The following PGLYRP3 variants were observed in gnomAD, a reference collection of about 807,000 sequenced individuals.
PGLYRP3 encodes peptidoglycan recognition protein I alpha.
In PGLYRP3, 39 loss-of-function variants were observed where a neutral mutation model predicts 36.0. The observed-to-expected ratio is 1.08, with a 90% confidence interval of 0.84 to 1.41. The LOEUF (loss-of-function observed/expected upper bound fraction) is 1.41, where lower values mean the gene tolerates loss of function less well. Ranked by LOEUF, PGLYRP3 falls within the 40% of genes most tolerant of loss-of-function variation. The pLI, the probability that PGLYRP3 is intolerant of heterozygous loss-of-function variation, is 0.00. For missense variants in PGLYRP3, 407 were observed against 427.9 expected, an observed-to-expected ratio of 0.95 and a Z score of 0.43; for synonymous variants, 204 against 172.8, an observed-to-expected ratio of 1.18 and a Z score of -1.42.
intron 2 of PGLYRP3, 38 bp downstream of exon 2, chr1:153,310,573 C>A: frequency 1.2e-6 from 2 of 1,603,754 alleles, no homozygotes; most frequent in South Asian, 2.2e-5. Context: ...TTCTCTTGCT[C>A]ATCAAAAGCA....
chr1:153,308,241 T>A (rs1309315778), intron 2 of PGLYRP3, among the ~76,000 whole-genome samples: 1 of 152,082 alleles, frequency 6.6e-6, no homozygotes, highest in Non-Finnish European at 1.5e-5. Context: ...TGATCCACCC[T>A]CCTCGGCCTC....
At chr1:153,302,919 G>A (rs1283489621) in intron 5 of PGLYRP3, among the ~76,000 whole-genome samples, 1 of 152,214 alleles carries the variant, frequency 6.6e-6, no homozygotes, top group Non-Finnish European at 1.5e-5. Flanking sequence ...ACCATGCATT[G>A]CAAATATATA....
At chr1:153,298,309 C>T (rs1659493717) in intron 7 of PGLYRP3, among the ~76,000 whole-genome samples, 175 bp from the exon 8 acceptor site, 1 of 152,088 alleles carries the variant, frequency 6.6e-6, no homozygotes, top group East Asian at 1.9e-4. Context: ...AAAACAAGGT[C>T]ATTGCTTTCT....
intron 6 of PGLYRP3, among the ~76,000 whole-genome samples, chr1:153,300,366 T>C (rs187920818): frequency 2.8e-4 from 42 of 152,334 alleles, no homozygotes; most frequent in Admixed American, 2.3e-3. Flanking sequence ...ACTCATCATA[T>C]ACATTATCCT....
chr1:153,302,992 A>G (rs1659639071), intron 5 of PGLYRP3, among the ~76,000 whole-genome samples: 1 of 152,258 alleles, frequency 6.6e-6, no homozygotes, highest in Non-Finnish European at 1.5e-5. Context: ...CTCCGAACTG[A>G]TCACACATAT....
chr1:153,303,678 G>A (rs1404363181), intron 5 of PGLYRP3, among the ~76,000 whole-genome samples, 179 bp downstream of exon 5: 1 of 152,164 alleles, frequency 6.6e-6, no homozygotes, highest in Non-Finnish European at 1.5e-5. Context: ...CATTCTGATG[G>A]GATGGAGAGG....
At chr1:153,300,373 T>C (rs904425786) in intron 6 of PGLYRP3, among the ~76,000 whole-genome samples, 9 of 152,208 alleles carry the variant, frequency 5.9e-5, no homozygotes, top group Admixed American at 1.3e-4. Flanking sequence ...ATATACATTA[T>C]CCTGTTCTGC....
chr1:153,307,327 C>A, intron 2 of PGLYRP3, 60 bp from the exon 3 acceptor site: 3 of 1,495,940 alleles, frequency 2.0e-6, no homozygotes, highest in Non-Finnish European at 2.7e-6. Context: ...CCCAACAGGT[C>A]GACCATGTGC....
chr1:153,297,384 G>A lies in PGLYRP3; in HGVS notation c.*572C>T, dbSNP rs1457100844. Among the ~76,000 whole-genome samples the A allele has an allele frequency of 6.6e-6, 1 of 150,492 alleles. No individual in the cohort carries two copies. The highest frequency in any genetic ancestry group is 1.5e-5 in the Non-Finnish European group (1 of 67,772). On this transcript the variant is annotated 3_prime_UTR_variant, in exon 8 of 8. Coordinates refer to ENST00000683862, the MANE Select transcript of PGLYRP3 (RefSeq NM_052891.3). ...GCACACTGACCTAGGTCATGGGTGA[G>A]GGATGAAGGGTGGGGGCTTCCAGGC... is the stretch of plus-strand genomic sequence containing the variant.
intron 1 of PGLYRP3, among the ~76,000 whole-genome samples, chr1:153,311,482 C>A (rs1214506362): frequency 6.6e-6 from 1 of 152,128 alleles, no homozygotes; most frequent in Non-Finnish European, 1.5e-5. Flanking sequence ...AGAGCCTCTG[C>A]CTGAAACTTC....
chr1:153,307,310 A>T, intron 2 of PGLYRP3, 43 bp from the exon 3 acceptor site: 1 of 1,537,762 alleles, frequency 6.5e-7, no homozygotes, highest in Non-Finnish European at 8.8e-7. Flanking sequence ...GGCCCTGCCC[A>T]TCTTCCCCCA....
In PGLYRP3 at chr1:153,310,673, C is replaced by G. The variant is rs1443359923; in HGVS notation, c.-8G>C. 1 of 1,613,940 alleles carries G rather than the reference C, an allele frequency of 6.2e-7. No individual in the cohort carries two copies. Among genetic ancestry groups the G allele is most frequent in the Admixed American group, 1.7e-5 (1 of 60,014 alleles). On this transcript the variant is annotated 5_prime_UTR_variant, in exon 2 of 8. Transcript: ENST00000683862. ...CCATGGCAGCGTCCCCATGTGGTCC[C>G]AGGACTCTGACCGGGAGAGTGTGGA...
In PGLYRP3 at chr1:153,297,546, G is replaced by GAAAAA. The variant is rs1557805301; in HGVS notation, c.*409_*410insTTTTT. On this transcript the variant is annotated 3_prime_UTR_variant, in exon 8 of 8. Transcript: ENST00000683862. Reference sequence around the variant, plus strand: ...AGGAAGGAAGGAAGGAAGGAAGGAAGGAAGGAAAGAAAGAAAAAGAAAGAA... The same window carrying GAAAAA: ...AGGAAGGAAGGAAGGAAGGAAGGAAGAAAAAGAAGGAAAGAAAGAAAAAGAAAGAA... 1.1e-5 allele frequency among the ~76,000 whole-genome samples: 1 copy of GAAAAA among 92,222 alleles called. No homozygotes were observed. Among genetic ancestry groups the GAAAAA allele is most frequent in the African/African-American group, 4.9e-5 (1 of 20,256 alleles). 60.5% of individuals were successfully genotyped at this position (92,222 alleles called of 152,430 possible).
At chr1:153,309,220 G>A (rs1197458419) in intron 2 of PGLYRP3, among the ~76,000 whole-genome samples, 2 of 152,180 alleles carry the variant, frequency 1.3e-5, no homozygotes, top group East Asian at 3.9e-4. Context: ...ATCTCCCACA[G>A]ACCAGCCCTG....
intron 6 of PGLYRP3, among the ~76,000 whole-genome samples, chr1:153,301,814 C>G (rs1019968056): frequency 6.6e-6 from 1 of 152,252 alleles, no homozygotes; most frequent in Non-Finnish European, 1.5e-5. Context: ...GCAGCTTCTT[C>G]TACTCCATTA....
intron 2 of PGLYRP3, among the ~76,000 whole-genome samples, chr1:153,308,944 T>G (rs1165544596): frequency 1.3e-5 from 2 of 152,164 alleles, no homozygotes; most frequent in Non-Finnish European, 2.9e-5. Context: ...AATCAAACCG[T>G]CGGTACCCAG....
At chr1:153,299,926 C>T (rs77442104) in intron 6 of PGLYRP3, among the ~76,000 whole-genome samples, 2,331 of 152,338 alleles carry the variant, frequency 0.015, 49 homozygotes, top group East Asian at 0.098. Flanking sequence ...CACGATCCCA[C>T]TGCAAGTCAC....
rs1171305173 is a variant in PGLYRP3 at position 153,306,134 on chromosome 1, C to A, written c.257+932G>T. On this transcript the variant is annotated intron_variant, in intron 3 of 7. Coordinates refer to ENST00000683862, the MANE Select transcript of PGLYRP3 (RefSeq NM_052891.3). ...CCATGGGCAGACAGGGAAGACCCAG[C>A]CATCCCAGGGGTGCTGGGGGCCAAA... Among the ~76,000 whole-genome samples, 8 of 152,324 alleles carry A rather than the reference C, an allele frequency of 5.3e-5. No homozygotes were observed. The South Asian group carries it at 1.7e-3, about 32-fold the overall frequency.
chr1:153,297,884 C>A lies in PGLYRP3; in HGVS notation c.*72G>T. 1 of 1,543,878 alleles carries A rather than the reference C, an allele frequency of 6.5e-7. No homozygotes were observed. Among genetic ancestry groups the A allele is most frequent in the South Asian group, 1.2e-5 (1 of 83,592 alleles). The stretch of plus-strand genomic sequence containing the variant: ...GGGAGGGGGACACAAGGTGCTGAGC[C>A]ACCTTGGCTGGTGAGGGTTGGAGAG... On this transcript the variant is annotated 3_prime_UTR_variant, in exon 8 of 8. Coordinates refer to ENST00000683862, the MANE Select transcript of PGLYRP3 (RefSeq NM_052891.3).
Sources: allele counts gnomAD v4.1 joint callset (sites outside exome capture counted in the v4.1 genomes callset), GRCh38; gene constraint gnomAD v4.1.1; transcripts MANE v1.5; gene names NCBI Gene and HGNC (gene_info 2026-07-23, HGNC 2026-07-21).